The following ACVR1C variants were observed in gnomAD, a reference collection of about 807,000 sequenced individuals.
ACVR1C encodes the protein activin receptor type-1C.
A neutral mutation model predicts 57.9 loss-of-function variants in ACVR1C; 23 were observed. That is an observed-to-expected ratio of 0.40 (90% CI 0.29 to 0.56). The LOEUF (loss-of-function observed/expected upper bound fraction) is 0.56, where lower values mean the gene tolerates loss of function less well. Ranked by LOEUF, ACVR1C falls within the 20% of genes least tolerant of loss-of-function variation. The pLI is 0.50. For synonymous variants in ACVR1C, 214 were observed against 215.3 expected (o/e 0.99, Z 0.05); for missense variants, 480 against 607.9 (o/e 0.79, Z 2.21).
At chr2:157,582,050 G>A (rs932324992) in intron 2 of ACVR1C, among the ~76,000 whole-genome samples, 5 of 152,210 alleles carry the variant, frequency 3.3e-5, no homozygotes, top group African/African-American at 1.2e-4. Context: ...AGGTACAGTG[G>A]CTCATGCCTG....
At chr2:157,576,227 G>A (rs1445155694) in intron 2 of ACVR1C, among the ~76,000 whole-genome samples, 1 of 45,900 alleles carries the variant, frequency 2.2e-5, no homozygotes, top group Non-Finnish European at 4.8e-5. Context: ...TTTTTTTGGC[G>A]ACGGAGTCTC....
intron 2 of ACVR1C, among the ~76,000 whole-genome samples, chr2:157,583,820 T>C (rs1433805237): frequency 2.6e-5 from 4 of 151,884 alleles, no homozygotes; most frequent in African/African-American, 9.7e-5. Flanking sequence ...ATGGAAAAAA[T>C]AAAACTCCAC....
At chr2:157,554,206 A>AGAAAGAAAGAAAGAAAGAAAGAAAGAAG in intron 3 of ACVR1C, among the ~76,000 whole-genome samples, 1 of 70,636 alleles carries the variant, frequency 1.4e-5, no homozygotes, top group Non-Finnish European at 2.9e-5. Context: ...GAAGAGAGAA[A>AGAAAGAAAGAAAGAAAGAAAGAAAGAAG]GAAAGAAAGA....
rs116743549 is a variant in ACVR1C at position 157,530,638 on chromosome 2, A to G, written c.*3280T>C. The G allele has an allele frequency of 2.1e-4, 32 of 152,272 alleles. No individual in the cohort carries two copies. The highest frequency in any genetic ancestry group is 3.1e-4 in the Non-Finnish European group (21 of 67,994). The allele number at this position is 152,272 out of a possible 1,614,324, so 9.4% of individuals were successfully genotyped here. On this transcript the variant is annotated 3_prime_UTR_variant, in exon 9 of 9. Coordinates refer to ENST00000243349, the MANE Select transcript of ACVR1C (RefSeq NM_145259.3). ...TTTTTTCAGATACTGCAACCAGGTT[A>G]CTATTTTCATACAATCATGGAAATT...
chr2:157,593,492 C>T (rs1037499831), intron 1 of ACVR1C, among the ~76,000 whole-genome samples: 1 of 152,114 alleles, frequency 6.6e-6, no homozygotes, highest in Non-Finnish European at 1.5e-5. Context: ...CTATGAAACA[C>T]AAAATATTTT....
At chr2:157,609,643 G>T (rs1325048098) in intron 1 of ACVR1C, among the ~76,000 whole-genome samples, 1 of 151,688 alleles carries the variant, frequency 6.6e-6, no homozygotes, top group Non-Finnish European at 1.5e-5. Context: ...CATGAATCTG[G>T]GTACATACAT....
chr2:157,541,772 G>A (rs899243839), intron 6 of ACVR1C, among the ~76,000 whole-genome samples: 7 of 152,198 alleles, frequency 4.6e-5, no homozygotes, highest in African/African-American at 1.4e-4. Context: ...ATCACAAGAG[G>A]CATTCACAGG....
intron 1 of ACVR1C, among the ~76,000 whole-genome samples, chr2:157,614,607 A>G (rs1682601073): frequency 6.6e-6 from 1 of 152,188 alleles, no homozygotes; most frequent in Non-Finnish European, 1.5e-5. Flanking sequence ...TGAAGACTCA[A>G]AATATAATTA....
At chr2:157,541,616 G>C (rs554876913) in intron 6 of ACVR1C, among the ~76,000 whole-genome samples, 20 of 152,296 alleles carry the variant, frequency 1.3e-4, no homozygotes, top group African/African-American at 4.6e-4. Flanking sequence ...CAGCATCCAA[G>C]GCTTCCCTGA....
chr2:157,589,871 A>G (rs1023425274), intron 1 of ACVR1C, among the ~76,000 whole-genome samples: 2 of 152,040 alleles, frequency 1.3e-5, no homozygotes, highest in Non-Finnish European at 2.9e-5. Flanking sequence ...ATCCAGAAAT[A>G]AAGCTACATA....
rs78394745 is a variant in ACVR1C, at chr2:157,607,715, T to C, written c.74-20298A>G. 5.9e-3 allele frequency among the ~76,000 whole-genome samples: 901 copies of C among 151,846 alleles called. 4 individuals are homozygous for C. Among genetic ancestry groups the C allele is most frequent in the Non-Finnish European group, 8.8e-3 (595 of 67,670 alleles). On this transcript the variant is annotated intron_variant, in intron 1 of 8. Coordinates refer to ENST00000243349, the MANE Select transcript of ACVR1C (RefSeq NM_145259.3). ...TTAAGTTTATTCCTATGTATTTTTGTAGCTATTTTAAATGAGATTGCCTTC... is the reference window on the plus strand; with the variant it reads ...TTAAGTTTATTCCTATGTATTTTTGCAGCTATTTTAAATGAGATTGCCTTC...
chr2:157,555,968 G>C, intron 3 of ACVR1C, 125 bp downstream of exon 3: 2 of 1,149,472 alleles, frequency 1.7e-6, no homozygotes, highest in South Asian at 1.7e-5. Flanking sequence ...TCCTATACCA[G>C]AGCTCACCAT....
At chr2:157,608,802 T>C (rs1682464780) in intron 1 of ACVR1C, among the ~76,000 whole-genome samples, 1 of 151,918 alleles carries the variant, frequency 6.6e-6, no homozygotes, top group East Asian at 1.9e-4. Flanking sequence ...TTTTGTATTT[T>C]TGTGGTATCA....
intron 1 of ACVR1C, among the ~76,000 whole-genome samples, chr2:157,624,562 G>A (rs1559000811): frequency 6.6e-6 from 1 of 152,120 alleles, no homozygotes; most frequent in Non-Finnish European, 1.5e-5. Context: ...AGTTATTCTT[G>A]TTTTTTTCAC....
chr2:157,593,361 C>T (rs1003266445), intron 1 of ACVR1C, among the ~76,000 whole-genome samples: 28 of 152,162 alleles, frequency 1.8e-4, no homozygotes, highest in African/African-American at 4.8e-4. Flanking sequence ...CATATTACTA[C>T]GTTTCCTTTG....
intron 1 of ACVR1C, among the ~76,000 whole-genome samples, chr2:157,599,489 G>A (rs1682232824): frequency 6.6e-6 from 1 of 152,098 alleles, no homozygotes; most frequent in African/African-American, 2.4e-5. Context: ...GCTCACTCTA[G>A]ATAAGATGTT....
intron 2 of ACVR1C, among the ~76,000 whole-genome samples, chr2:157,575,809 G>GT (rs528100783): frequency 2.6e-5 from 4 of 152,084 alleles, no homozygotes; most frequent in East Asian, 3.9e-4. Context: ...ACTCATTACG[G>GT]TTTTTTTAAT....
intron 1 of ACVR1C, among the ~76,000 whole-genome samples, chr2:157,616,755 GAC>G (rs1682660863): frequency 6.6e-6 from 1 of 151,988 alleles, no homozygotes; most frequent in Non-Finnish European, 1.5e-5. Context: ...TGAGTGAAAT[GAC>G]ACAGTATTGA....
At chr2:157,556,657 C>CTTTTTTTTT (rs1169628343) in intron 2 of ACVR1C, among the ~76,000 whole-genome samples, 3 of 87,870 alleles carry the variant, frequency 3.4e-5, no homozygotes, top group African/African-American at 1.0e-4. Context: ...CAGCAGTACA[C>CTTTTTTTTT]TTTTTTTTTT....
Sources: allele counts gnomAD v4.1 joint callset (sites outside exome capture counted in the v4.1 genomes callset), GRCh38; gene constraint gnomAD v4.1.1; transcripts MANE v1.5; gene names NCBI Gene and HGNC (gene_info 2026-07-23, HGNC 2026-07-21).